Variants in CERS6 observed in about 807,000 individuals in gnomAD.
CERS6 encodes ceramide synthase 6, also known as LAG1 homolog, ceramide synthase 6.
A neutral mutation model predicts 56.8 loss-of-function variants in CERS6; 26 were observed. That is an observed-to-expected ratio of 0.46 (90% CI 0.34 to 0.63). CERS6 has a LOEUF of 0.63. Among genes scored for constraint, CERS6 ranks in the 30% least tolerant of loss-of-function variants. CERS6 has a pLI of 0.01. For missense variants in CERS6, 415 were observed against 467.5 expected (o/e 0.89, Z 1.04); for synonymous variants, 164 against 173.3 (o/e 0.95, Z 0.42).
chr2:168,656,020 G>A (rs944567380), intron 4 of CERS6, among the ~76,000 whole-genome samples: 9 of 152,184 alleles, frequency 5.9e-5, no homozygotes, highest in Non-Finnish European at 1.2e-4. Flanking sequence ...AATACGGATA[G>A]TATGCATTTT....
chr2:168,628,869 A>C (rs761845273), intron 3 of CERS6, among the ~76,000 whole-genome samples: 1 of 150,904 alleles, frequency 6.6e-6, no homozygotes, highest in African/African-American at 2.5e-5. Flanking sequence ...GTTGAAGGTC[A>C]TATCTTCCTT....
At chr2:168,753,094 T>C (rs1289181164) in intron 8 of CERS6, among the ~76,000 whole-genome samples, 1 of 152,190 alleles carries the variant, frequency 6.6e-6, no homozygotes, top group African/African-American at 2.4e-5. Context: ...AGTAAACATC[T>C]TGTCTTAGGC....
chr2:168,635,999 A>G (rs1684852475), intron 4 of CERS6, among the ~76,000 whole-genome samples: 3 of 152,220 alleles, frequency 2.0e-5, no homozygotes, highest in African/African-American at 7.2e-5. Context: ...CCATTAGAAT[A>G]TGAGTCCATT....
intron 6 of CERS6, among the ~76,000 whole-genome samples, chr2:168,706,899 G>A (rs940766413): frequency 1.3e-5 from 2 of 152,198 alleles, no homozygotes; most frequent in Non-Finnish European, 1.5e-5. Context: ...TGTAATCTCT[G>A]TTGCAGCTTC....
At chr2:168,755,765 C>T (rs890300127) in intron 8 of CERS6, among the ~76,000 whole-genome samples, 9 of 152,148 alleles carry the variant, frequency 5.9e-5, no homozygotes, top group Admixed American at 2.0e-4. Context: ...CTAGCAATTC[C>T]CTCTCTACTT....
At chr2:168,726,481 C>T (rs1574195707) in intron 8 of CERS6, among the ~76,000 whole-genome samples, 1 of 152,276 alleles carries the variant, frequency 6.6e-6, no homozygotes, top group East Asian at 1.9e-4. Flanking sequence ...ATCAGTGATA[C>T]ATTAGAATCT....
intron 3 of CERS6, among the ~76,000 whole-genome samples, chr2:168,607,923 A>G (rs1254563275): frequency 6.6e-6 from 1 of 152,236 alleles, no homozygotes; most frequent in African/African-American, 2.4e-5. Flanking sequence ...TATCTTGAGT[A>G]TCAGTTATCT....
intron 4 of CERS6, among the ~76,000 whole-genome samples, chr2:168,667,673 C>T (rs1456802280): frequency 6.6e-6 from 1 of 151,994 alleles, no homozygotes; most frequent in Non-Finnish European, 1.5e-5. Context: ...TGATTCCTTT[C>T]TGTGTTCCAG....
At chr2:168,691,156 G>A in intron 5 of CERS6, 72 bp downstream of exon 5, 3 of 1,439,054 alleles carry the variant, frequency 2.1e-6, no homozygotes, top group Non-Finnish European at 2.0e-6. Context: ...ATGGTCTCAG[G>A]CAGGCCCCAA....
chr2:168,611,325 A>G (rs1684183167), intron 3 of CERS6, among the ~76,000 whole-genome samples: 2 of 152,206 alleles, frequency 1.3e-5, no homozygotes, highest in South Asian at 4.1e-4. Flanking sequence ...GCCAATAACC[A>G]TTCATCTCAG....
intron 1 of CERS6, among the ~76,000 whole-genome samples, chr2:168,462,709 A>C (rs12616351): frequency 6.6e-6 from 1 of 151,746 alleles, no homozygotes; most frequent in East Asian, 1.9e-4. Context: ...GCTAATTTTT[A>C]ATTTTTTTTT....
At chr2:168,536,152 G>A (rs982978470) in intron 1 of CERS6, among the ~76,000 whole-genome samples, 9 of 152,200 alleles carry the variant, frequency 5.9e-5, no homozygotes, top group African/African-American at 1.4e-4. Context: ...GTTATCCTAT[G>A]ATGACAGAGT....
At chr2:168,595,480 A>T (rs1652821897) in intron 3 of CERS6, among the ~76,000 whole-genome samples, 1 of 152,232 alleles carries the variant, frequency 6.6e-6, no homozygotes, top group Admixed American at 6.5e-5. Flanking sequence ...TATAAATACC[A>T]CAATTGCATT....
intron 4 of CERS6, among the ~76,000 whole-genome samples, chr2:168,659,416 T>G (rs2105326705): frequency 6.6e-6 from 1 of 152,352 alleles, no homozygotes; most frequent in East Asian, 1.9e-4. Context: ...TAGAAATGTT[T>G]TATGCATAAA....
chr2:168,751,421 TTC>T (rs1684264504), intron 8 of CERS6, among the ~76,000 whole-genome samples: 1 of 152,206 alleles, frequency 6.6e-6, no homozygotes, highest in African/African-American at 2.4e-5. Context: ...TTAAGCTTTG[TTC>T]TCTCTTGAGG....
chr2:168,581,948 C>A (rs550884740), intron 3 of CERS6, among the ~76,000 whole-genome samples: 1 of 152,270 alleles, frequency 6.6e-6, no homozygotes, highest in Non-Finnish European at 1.5e-5. Context: ...CCAGGATCAC[C>A]CCAGACCAAG....
chr2:168,734,786 C>T (rs1265447967), intron 8 of CERS6, among the ~76,000 whole-genome samples: 1 of 152,178 alleles, frequency 6.6e-6, no homozygotes, highest in Non-Finnish European at 1.5e-5. Context: ...TATCTATATG[C>T]ATCTGGAGCA....
chr2:168,724,621 T>C (rs1683288621), intron 8 of CERS6, among the ~76,000 whole-genome samples: 2 of 152,226 alleles, frequency 1.3e-5, no homozygotes, highest in African/African-American at 4.8e-5. Flanking sequence ...ATCCCTGAGC[T>C]AGACATAAAG....
At chr2:168,612,830 T>C (rs1248919055) in intron 3 of CERS6, among the ~76,000 whole-genome samples, 1 of 152,198 alleles carries the variant, frequency 6.6e-6, no homozygotes, top group Non-Finnish European at 1.5e-5. Flanking sequence ...AGCAACCTCC[T>C]GTGTAGATTT....
Sources: allele counts gnomAD v4.1 joint callset (sites outside exome capture counted in the v4.1 genomes callset), GRCh38; gene constraint gnomAD v4.1.1; transcripts MANE v1.5; gene names NCBI Gene and HGNC (gene_info 2026-07-23, HGNC 2026-07-21).